UIMC1: variants seen among roughly 807,000 people sequenced by gnomAD.
The protein encoded by UIMC1 is BRCA1-A complex subunit RAP80.
Under a neutral mutation model 84.9 loss-of-function variants are expected in UIMC1, and 42 were observed. The ratio of observed to expected loss-of-function variants is 0.49; its 90% CI spans 0.39 to 0.64. UIMC1 has a LOEUF of 0.64. Among genes scored for constraint, UIMC1 ranks in the 30% least tolerant of loss-of-function variants. The pLI, the probability that UIMC1 is intolerant of heterozygous loss-of-function variation, is 0.00. For synonymous variants in UIMC1, 281 were observed against 293.0 expected (o/e 0.96, Z 0.42); for missense variants, 825 against 847.6 (o/e 0.97, Z 0.33).
At chr5:177,017,265 T>C (rs1775692827) in intron 1 of UIMC1, among the ~76,000 whole-genome samples, 2 of 152,174 alleles carry the variant, frequency 1.3e-5, no homozygotes, top group Non-Finnish European at 2.9e-5. Flanking sequence ...TTGAGATGTG[T>C]TCTTAGAGAT....
chr5:176,995,585 T>C (rs958025332), intron 1 of UIMC1, among the ~76,000 whole-genome samples: 7 of 145,324 alleles, frequency 4.8e-5, no homozygotes, highest in Admixed American at 4.1e-4. Flanking sequence ...GGCTCACACC[T>C]GTAATCCTAG....
intron 10 of UIMC1, among the ~76,000 whole-genome samples, chr5:176,924,260 G>A (rs915249920): frequency 1.3e-5 from 2 of 151,826 alleles, no homozygotes; most frequent in Admixed American, 1.3e-4. Context: ...GGAGGTTGCA[G>A]TGAGCCGAGA....
chr5:176,958,203 G>C, intron 6 of UIMC1, 49 bp from the exon 7 acceptor site: 2 of 1,490,390 alleles, frequency 1.3e-6, no homozygotes, highest in South Asian at 1.2e-5. Flanking sequence ...AGGTGAACTG[G>C]CTTCTCTTCC....
At chr5:176,975,506 A>C in intron 2 of UIMC1, 26 bp from the exon 3 acceptor site, 1 of 1,611,570 alleles carries the variant, frequency 6.2e-7, no homozygotes, top group African/African-American at 1.3e-5. Context: ...AAATATCATC[A>C]GTGTGGCTGC....
intron 4 of UIMC1, 61 bp from the exon 5 acceptor site, chr5:176,969,767 T>A: frequency 1.4e-6 from 2 of 1,452,456 alleles, no homozygotes; most frequent in Non-Finnish European, 1.9e-6. Context: ...ATATGAAGGG[T>A]CACAGGAAGG....
In UIMC1 at chr5:176,907,181, T is replaced by G. The variant is rs768456176; in HGVS notation, c.1849-4A>C. Reference sequence around the variant, plus strand: ...GGCCTTCACTGTGGCCTTTTTCCTGTAACAGAGAAAAACAGATGAAAAGGT... The same window carrying G: ...GGCCTTCACTGTGGCCTTTTTCCTGGAACAGAGAAAAACAGATGAAAAGGT... On this transcript the variant is annotated splice_region_variant and splice_polypyrimidine_tract_variant and intron_variant, in intron 12 of 14. Transcript: ENST00000511320. 6.2e-7 allele frequency: 1 copy of G among 1,612,890 alleles called. No homozygotes were observed. The highest frequency in any genetic ancestry group is 1.3e-5 in the African/African-American group (1 of 75,020).
chr5:177,002,975 T>G (rs993719674), intron 1 of UIMC1, among the ~76,000 whole-genome samples: 1 of 152,064 alleles, frequency 6.6e-6, no homozygotes, highest in African/African-American at 2.4e-5. Flanking sequence ...ATGACTTATA[T>G]CTCCTCTAAC....
At chr5:176,945,563 G>C (rs1343311894) in intron 9 of UIMC1, among the ~76,000 whole-genome samples, 1 of 152,238 alleles carries the variant, frequency 6.6e-6, no homozygotes, top group Non-Finnish European at 1.5e-5. Flanking sequence ...TGCAGTCAGG[G>C]AGGTTTCACA....
rs1768890931 is a variant in UIMC1 at position 176,969,604 on chromosome 5, C to T, written c.460G>A (p.Glu154Lys). ...GAGTCAGAACAGGGAGACATGCCTT[C>T]AGTGAGCCCAGAGTCTGTGGTTTTC... Reference protein sequence around the residue: ...QEKTTDSGLTEGIWQLVPPSL... With the variant: ...QEKTTDSGLTKGIWQLVPPSL... The change falls in exon 5 of 15, where the codon GAA (glutamate) becomes AAA (lysine). Residue 154 changes from glutamate (E) to lysine (K), a missense_variant. By Grantham distance (56) the Glu-to-Lys change is moderately conservative (BLOSUM62 1). Coordinates refer to ENST00000511320, the MANE Select transcript of UIMC1 (RefSeq NM_001199298.2). 4 of 1,613,964 alleles carry T rather than the reference C, an allele frequency of 2.5e-6. No individual in the cohort carries two copies. Among genetic ancestry groups the T allele is most frequent in the African/African-American group, 2.7e-5 (2 of 74,922 alleles).
At chr5:176,939,752 A>T (rs1476355065) in intron 10 of UIMC1, among the ~76,000 whole-genome samples, 1 of 152,184 alleles carries the variant, frequency 6.6e-6, no homozygotes, top group Non-Finnish European at 1.5e-5. Flanking sequence ...CTATATTCTA[A>T]ATTTGTCTTC....
At chr5:176,983,444 G>A (rs919121587) in intron 1 of UIMC1, among the ~76,000 whole-genome samples, 6 of 151,778 alleles carry the variant, frequency 4.0e-5, no homozygotes, top group African/African-American at 7.3e-5. Context: ...CATGTTGACC[G>A]GGCTGGTCTC....
chr5:176,967,505 C>T (rs920169465), intron 6 of UIMC1, among the ~76,000 whole-genome samples: 4 of 152,016 alleles, frequency 2.6e-5, no homozygotes, highest in African/African-American at 9.7e-5. Flanking sequence ...AACTGGCTGG[C>T]TAGGTGATAG....
intron 3 of UIMC1, 126 bp from the exon 4 acceptor site, chr5:176,970,992 A>G: frequency 7.8e-7 from 1 of 1,275,610 alleles, no homozygotes. Flanking sequence ...CAATTTTATA[A>G]TCTTGTAAAT....
rs1293965843 is a variant in UIMC1, at chr5:176,955,906, T to C, written c.1339+53A>G. Reference sequence around the variant, plus strand: ...AGAGTCAGAGGAAAATTAATAGGCATGAAAAGGTAAATAGGTATCAGAAAT... The same window carrying C: ...AGAGTCAGAGGAAAATTAATAGGCACGAAAAGGTAAATAGGTATCAGAAAT... On this transcript the variant is annotated intron_variant, in intron 8 of 14. Coordinates refer to ENST00000511320, the MANE Select transcript of UIMC1 (RefSeq NM_001199298.2). The C allele has an allele frequency of 1.7e-5, 27 of 1,564,320 alleles. No homozygotes were observed. In the Admixed American group the frequency reaches 2.4e-4, roughly 14 times the overall value.
At chr5:176,988,679 ATTT>A (rs377752493) in intron 1 of UIMC1, among the ~76,000 whole-genome samples, 9 of 135,768 alleles carry the variant, frequency 6.6e-5, no homozygotes, top group Middle Eastern at 3.8e-3. Context: ...TGTTAGGTGA[ATTT>A]TTTTTTTTTT....
chr5:176,976,036 T>C (rs372797707), intron 2 of UIMC1, among the ~76,000 whole-genome samples: 152 of 152,224 alleles, frequency 1.0e-3, no homozygotes, highest in African/African-American at 3.6e-3. Flanking sequence ...CAGTGGCTCA[T>C]GCCTGTAATC....
intron 8 of UIMC1, among the ~76,000 whole-genome samples, chr5:176,955,290 A>G (rs950138872): frequency 9.9e-5 from 15 of 152,206 alleles, no homozygotes; most frequent in Admixed American, 7.2e-4. Flanking sequence ...AATTTTTACA[A>G]TTAACAAAAA....
chr5:177,004,260 G>A (rs1157914856), intron 1 of UIMC1, among the ~76,000 whole-genome samples: 3 of 152,186 alleles, frequency 2.0e-5, no homozygotes, highest in Non-Finnish European at 2.9e-5. Flanking sequence ...CACAGCAGAT[G>A]ATGGATCAAT....
intron 8 of UIMC1, among the ~76,000 whole-genome samples, chr5:176,953,880 T>C (rs1207378046): frequency 6.6e-6 from 1 of 152,198 alleles, no homozygotes; most frequent in Non-Finnish European, 1.5e-5. Context: ...AACAGTCTAC[T>C]ACACTAAATA....
Sources: gnomAD v4.1 joint callset for allele counts (sites outside exome capture counted in the v4.1 genomes callset) on GRCh38, gnomAD v4.1.1 for gene constraint, MANE v1.5 for transcripts, NCBI Gene and HGNC (gene_info 2026-07-23, HGNC 2026-07-21) for gene names.